FBXW7: variants seen among roughly 807,000 people sequenced by gnomAD.
The protein encoded by FBXW7 is F-box/WD repeat-containing protein 7.
A neutral mutation model predicts 86.3 loss-of-function variants in FBXW7; 11 were observed. The observed-to-expected ratio is 0.13, with a 90% CI of 0.08 to 0.21. The LOEUF is 0.21. FBXW7 is among the 10% of genes least tolerant of loss of function. The pLI, the probability that FBXW7 is intolerant of heterozygous loss-of-function variation, is 1.00. For missense variants in FBXW7, 488 were observed against 847.4 expected, an observed-to-expected ratio of 0.58 and a Z score of 5.27; for synonymous variants, 313 against 297.9, an observed-to-expected ratio of 1.05 and a Z score of -0.52.
chr4:152,374,108 T>A (rs147538670), intron 4 of FBXW7, among the ~76,000 whole-genome samples: 1 of 152,094 alleles, frequency 6.6e-6, no homozygotes, highest in Non-Finnish European at 1.5e-5. Flanking sequence ...TAAGAGAAGC[T>A]TAGAAAGCCA....
rs932963859 is a variant in FBXW7, at chr4:152,322,703, T to A, written c.*178A>T. On this transcript the variant is annotated 3_prime_UTR_variant, in exon 14 of 14. Coordinates refer to ENST00000281708, the MANE Select transcript of FBXW7 (RefSeq NM_001349798.2). ...CTCTCTTGTCAGTTATGGTTTGTCA[T>A]CTCTTCTTCTTTTCCTTCTTAGTCT... 1.9e-6 allele frequency: 2 copies of A among 1,051,224 alleles called. No homozygotes were observed. Among genetic ancestry groups the A allele is most frequent in the Non-Finnish European group, 2.6e-6 (2 of 761,062 alleles). 65.1% of individuals were successfully genotyped at this position (1,051,224 alleles called of 1,614,324 possible).
intron 2 of FBXW7, among the ~76,000 whole-genome samples, chr4:152,456,360 TAAAAAAAAAAAAAA>T (rs58250889): frequency 6.1e-4 from 44 of 72,148 alleles, no homozygotes; most frequent in African/African-American, 1.9e-3. Flanking sequence ...AAAAAATCCT[TAAAAAAAAAAAAAA>T]AAAAAAAAAA....
intron 4 of FBXW7, among the ~76,000 whole-genome samples, chr4:152,394,618 C>T (rs1736265398): frequency 6.6e-6 from 1 of 152,122 alleles, no homozygotes; most frequent in South Asian, 2.1e-4. Flanking sequence ...TTTCGCATAG[C>T]ATTCCTCCCA....
intron 4 of FBXW7, chr4:152,382,177 T>A (rs767411212): frequency 1.9e-6 from 3 of 1,542,082 alleles, no homozygotes. Flanking sequence ...TTTTCAAATG[T>A]GTGAGACTTA....
rs1277266098 is a variant in FBXW7 at position 152,372,113 on chromosome 4, C to T, written c.502-21989G>A. On this transcript the variant is annotated intron_variant, in intron 4 of 13. Transcript: ENST00000281708. ...CTATTAGCATGAGCTGTATTTTAAT[C>T]ACTGAAGAAAAGTAATATAAAAGCT... 5.3e-5 allele frequency among the ~76,000 whole-genome samples: 8 copies of T among 152,076 alleles called. No homozygotes were observed. The East Asian group carries it at 7.7e-4, about 15-fold the overall frequency.
chr4:152,329,255 A>G (rs1189086151), intron 10 of FBXW7, among the ~76,000 whole-genome samples: 1 of 151,928 alleles, frequency 6.6e-6, no homozygotes, highest in African/African-American at 2.4e-5. Context: ...TAAGTTCTAA[A>G]CTACAGGTAG....
intron 2 of FBXW7, among the ~76,000 whole-genome samples, chr4:152,486,005 T>C (rs1400166703): frequency 6.6e-6 from 1 of 152,232 alleles, no homozygotes; most frequent in Non-Finnish European, 1.5e-5. Flanking sequence ...CCATTGCTCC[T>C]AGGCTACAAA....
At chr4:152,382,652 T>A (rs1218400791) in intron 4 of FBXW7, 1 of 230,110 alleles carries the variant, frequency 4.3e-6, no homozygotes, top group Non-Finnish European at 7.9e-6. Flanking sequence ...AAAGCAGGGC[T>A]GTGCTGTAAG....
intron 2 of FBXW7, among the ~76,000 whole-genome samples, chr4:152,497,721 T>C (rs1395551289): frequency 1.3e-5 from 2 of 152,162 alleles, no homozygotes; most frequent in East Asian, 1.9e-4. Flanking sequence ...TCGGCAATAC[T>C]TGATAAAGTG....
intron 4 of FBXW7, among the ~76,000 whole-genome samples, chr4:152,354,626 CAACTTT>C (rs1255682374): frequency 1.3e-5 from 2 of 151,980 alleles, no homozygotes; most frequent in African/African-American, 2.4e-5. Flanking sequence ...AAGAAGAGAC[CAACTTT>C]AATGAAGTAG....
chr4:152,480,071 C>T (rs913881340), intron 2 of FBXW7, among the ~76,000 whole-genome samples: 3 of 151,946 alleles, frequency 2.0e-5, no homozygotes, highest in African/African-American at 7.2e-5. Context: ...CCTTGTACTG[C>T]ATTTCATTTT....
At chr4:152,477,070 G>T (rs76902160) in intron 2 of FBXW7, among the ~76,000 whole-genome samples, 2,063 of 150,770 alleles carry the variant, frequency 0.014, 26 homozygotes, top group Middle Eastern at 0.037. Context: ...AAAAAAAAAG[G>T]AAGCTAATAC....
intron 4 of FBXW7, among the ~76,000 whole-genome samples, chr4:152,396,372 T>C (rs925080843): frequency 6.6e-6 from 1 of 151,978 alleles, no homozygotes; most frequent in African/African-American, 2.4e-5. Flanking sequence ...ACTCCCAACA[T>C]CGTCCTTCCC....
At chr4:152,375,671 A>T (rs907439841) in intron 4 of FBXW7, among the ~76,000 whole-genome samples, 1 of 152,168 alleles carries the variant, frequency 6.6e-6, no homozygotes, top group African/African-American at 2.4e-5. Context: ...ACATGGAAGT[A>T]CAATGATACA....
intron 4 of FBXW7, among the ~76,000 whole-genome samples, chr4:152,398,546 A>T (rs374229512): frequency 6.6e-6 from 1 of 152,018 alleles, no homozygotes; most frequent in Non-Finnish European, 1.5e-5. Context: ...AATGAAAAAA[A>T]ATAGCATTTT....
intron 4 of FBXW7, among the ~76,000 whole-genome samples, chr4:152,360,336 G>C (rs1462963367): frequency 6.6e-6 from 1 of 152,072 alleles, no homozygotes; most frequent in Non-Finnish European, 1.5e-5. Context: ...ATACATACAA[G>C]CAAGTTGTAC....
At chr4:152,526,086 G>C (rs1208894636) in intron 2 of FBXW7, among the ~76,000 whole-genome samples, 1 of 152,180 alleles carries the variant, frequency 6.6e-6, no homozygotes, top group Non-Finnish European at 1.5e-5. Context: ...TTGGCCACAT[G>C]TAAGTCTTCT....
chr4:152,328,061 C>G (rs1188958769), intron 11 of FBXW7, 147 bp downstream of exon 11: 3 of 660,306 alleles, frequency 4.5e-6, no homozygotes, highest in Admixed American at 7.2e-5. Context: ...AACGCTATGG[C>G]TTTCCTAGAA....
chr4:152,405,144 T>C (rs1414563231), intron 4 of FBXW7, among the ~76,000 whole-genome samples: 3 of 148,740 alleles, frequency 2.0e-5, no homozygotes, highest in Non-Finnish European at 4.5e-5. Context: ...CTGTTCACAT[T>C]ACAGTTTGCC....
Sources: allele counts gnomAD v4.1 joint callset (sites outside exome capture counted in the v4.1 genomes callset), GRCh38; gene constraint gnomAD v4.1.1; transcripts MANE v1.5; gene names NCBI Gene and HGNC (gene_info 2026-07-23, HGNC 2026-07-21).